The following LTF variants were observed in gnomAD, a reference collection of about 807,000 sequenced individuals.
LTF encodes the protein lactotransferrin, also known as epididymis luminal protein 110.
A neutral mutation model predicts 87.2 loss-of-function variants in LTF; 91 were observed. The observed-to-expected ratio is 1.04, with a 90% CI of 0.88 to 1.24. LTF has a LOEUF of 1.24. Ranked by LOEUF, LTF falls within the 50% of genes most tolerant of loss-of-function variation. The probability of loss-of-function intolerance (pLI) is 0.00; values close to 1 mark genes in which losing one functional copy is unlikely to be tolerated. For missense variants in LTF, 901 were observed against 904.3 expected, an observed-to-expected ratio of 1.00 and a Z score of 0.05; for synonymous variants, 378 against 356.1, an observed-to-expected ratio of 1.06 and a Z score of -0.69.
intron 1 of LTF, chr3:46,484,974 G>A (rs994092853): frequency 1.3e-5 from 2 of 152,280 alleles, no homozygotes; most frequent in African/African-American, 2.4e-5. Context: ...CTCTGGCTCT[G>A]GGAGCACCTA....
intron 2 of LTF, among the ~76,000 whole-genome samples, chr3:46,458,889 A>G (rs1703008697): frequency 6.6e-6 from 1 of 152,256 alleles, no homozygotes; most frequent in Non-Finnish European, 1.5e-5. Context: ...TACTGTTTGT[A>G]TGCAGGTAAT....
intron 6 of LTF, among the ~76,000 whole-genome samples, chr3:46,453,404 G>T (rs2269444): frequency 0.12 from 18,598 of 151,984 alleles, 1,382 homozygotes; most frequent in Admixed American, 0.21. Flanking sequence ...GGGTGCATGT[G>T]GGGTCTGTCT....
At chr3:46,439,064 C>G (rs567840924) in intron 15 of LTF, among the ~76,000 whole-genome samples, 1 of 152,312 alleles carries the variant, frequency 6.6e-6, no homozygotes, top group Admixed American at 6.5e-5. Context: ...AAGGCCAGGG[C>G]ACAGAGTCTC....
At chr3:46,461,188 C>A (rs1703072434) in intron 1 of LTF, among the ~76,000 whole-genome samples, 1 of 152,154 alleles carries the variant, frequency 6.6e-6, no homozygotes, top group Non-Finnish European at 1.5e-5. Context: ...AAGTGGAAAC[C>A]CTCATACATT....
At position 46,438,112 on chromosome 3, in the gene LTF, A is replaced by AT; in HGVS notation, c.1925dup (p.Asn642LysfsTer4). 1 of 1,613,004 alleles carries AT rather than the reference A, an allele frequency of 6.2e-7. No individual in the cohort carries two copies. Among genetic ancestry groups the AT allele is most frequent in the Non-Finnish European group, 8.5e-7 (1 of 1,179,638 alleles). Reference sequence around the variant, plus strand: ...AAAACTTGTCCGGGCAGTCAGATCCATTTCTCCCAAATTTAGCCTGCGACA... The same window carrying AT: ...AAAACTTGTCCGGGCAGTCAGATCCATTTTCTCCCAAATTTAGCCTGCGACA... On this transcript the variant is annotated frameshift_variant, in exon 16 of 17. Coordinates refer to ENST00000231751, the MANE Select transcript of LTF (RefSeq NM_002343.6). LOFTEE classifies it high-confidence loss of function.
rs1702929459 is a variant in LTF at position 46,456,293 on chromosome 3, T to C, written c.313A>G (p.Arg105Gly). 6.2e-7 allele frequency: 1 copy of C among 1,613,834 alleles called. No individual in the cohort carries two copies. Among genetic ancestry groups the C allele is most frequent in the Non-Finnish European group, 8.5e-7 (1 of 1,179,884 alleles). ...PVAAEVYGTE[R>G]QPRTHYYAVA... The stretch of plus-strand genomic sequence containing the variant: ...TGGGTCCCCAGGCAGAACTCACGTC[T>C]TTCGGTCCCGTAGACTTCCGCCGCT... Residue 105 changes from arginine to glycine, a missense_variant, in exon 3 of 17, where the codon AGA (arginine) becomes GGA (glycine). Arg to Gly is a moderately radical substitution (Grantham distance 125). Transcript: ENST00000231751.
At chr3:46,441,031 T>C (rs564479039) in intron 14 of LTF, among the ~76,000 whole-genome samples, 49 of 152,224 alleles carry the variant, frequency 3.2e-4, no homozygotes, top group Non-Finnish European at 6.0e-4. Context: ...TTTGCATATG[T>C]TCACCCAGTT....
At chr3:46,481,064 C>G (rs1487766032) in intron 1 of LTF, among the ~76,000 whole-genome samples, 1 of 152,208 alleles carries the variant, frequency 6.6e-6, no homozygotes, top group Non-Finnish European at 1.5e-5. Flanking sequence ...TGTCCCTGCC[C>G]TGGTGCATGA....
chr3:46,447,401 G>T lies in LTF; in HGVS notation c.1213-3C>A. 1 of 1,608,788 alleles carries T rather than the reference G, an allele frequency of 6.2e-7. No individual in the cohort carries two copies. The highest frequency in any genetic ancestry group is 1.1e-5 in the South Asian group (1 of 90,924). On this transcript the variant is annotated splice_region_variant and splice_polypyrimidine_tract_variant and intron_variant, in intron 9 of 16. Coordinates refer to ENST00000231751, the MANE Select transcript of LTF (RefSeq NM_002343.6). Reference sequence around the variant, plus strand: ...CTCATGGCATCAGCTTCTCCTTTCTGCAAAGACAGAGCAGATCTCCAGCAC... The same window carrying T: ...CTCATGGCATCAGCTTCTCCTTTCTTCAAAGACAGAGCAGATCTCCAGCAC...
intron 1 of LTF, among the ~76,000 whole-genome samples, chr3:46,482,662 AG>A (rs1175340229): frequency 1.9e-5 from 1 of 53,058 alleles, no homozygotes; most frequent in East Asian, 7.0e-4. Flanking sequence ...GAAAGAAAGA[AG>A]GAAGGAAGGA....
intron 10 of LTF, among the ~76,000 whole-genome samples, chr3:46,447,090 GA>G (rs1702674288): frequency 6.6e-6 from 1 of 152,150 alleles, no homozygotes; most frequent in Non-Finnish European, 1.5e-5. Flanking sequence ...AGATCTTCTG[GA>G]AAATTAAGAA....
chr3:46,450,777 T>G (rs1425038469), intron 6 of LTF, 104 bp from the exon 7 acceptor site: 1 of 968,504 alleles, frequency 1.0e-6, no homozygotes, highest in Non-Finnish European at 1.6e-6. Flanking sequence ...CTTGGGGAGA[T>G]AGCTGACAAA....
rs771481419 is a variant in LTF at position 46,455,956 on chromosome 3, G to A, written c.339C>T (p.Ala113=). The A allele has an allele frequency of 1.9e-5, 30 of 1,599,826 alleles. No individual in the cohort carries two copies. The highest frequency in any genetic ancestry group is 8.7e-5 in the Admixed American group (5 of 57,536). ...TGCCGCCCTTCTTCACCACAGCCAC[G>A]GCATAATAGTGAGTTCGTGGCTCTG... The part of the protein sequence containing the change: ...TERQPRTHYY[A]VAVVKKGGSF... Residue 113 remains alanine (A), a synonymous_variant, in exon 4 of 17, where the codon GCC becomes GCT. Transcript: ENST00000231751.
chr3:46,439,046 A>G (rs1702452598), intron 15 of LTF, among the ~76,000 whole-genome samples: 1 of 152,196 alleles, frequency 6.6e-6, no homozygotes, highest in South Asian at 2.1e-4. Flanking sequence ...CCAGGCAGTG[A>G]TGGCAACAAG....
At chr3:46,438,206 T>G in intron 15 of LTF, 77 bp from the exon 16 acceptor site, 5 of 1,224,336 alleles carry the variant, frequency 4.1e-6, no homozygotes, top group Non-Finnish European at 5.9e-6. Context: ...GGGGTATTTC[T>G]TCCACCCAAG....
intron 14 of LTF, among the ~76,000 whole-genome samples, chr3:46,439,814 T>TCCCA (rs1218995515): frequency 0.017 from 2,563 of 152,232 alleles, 127 homozygotes; most frequent in Admixed American, 0.12. Flanking sequence ...CGGTGGCTCA[T>TCCCA]GCCTGTAATC....
At chr3:46,439,147 C>A (rs549873002) in intron 15 of LTF, 149 bp downstream of exon 15, 7 of 688,698 alleles carry the variant, frequency 1.0e-5, no homozygotes, top group Non-Finnish European at 2.3e-6. Context: ...CTCTGGGCAA[C>A]GCCACAGCAT....
At chr3:46,444,055 A>G (rs1702586851) in intron 12 of LTF, among the ~76,000 whole-genome samples, 1 of 152,214 alleles carries the variant, frequency 6.6e-6, no homozygotes, top group South Asian at 2.1e-4. Flanking sequence ...CCAGTGAAAT[A>G]TCAGCAGGAG....
upstream of LTF, among the ~76,000 whole-genome samples, chr3:46,469,223 A>G (rs1484273982): frequency 6.6e-6 from 1 of 152,210 alleles, no homozygotes; most frequent in African/African-American, 2.4e-5. Context: ...GTGAGATACA[A>G]CTGCTATCCC....
Sources: gnomAD v4.1 joint callset for allele counts (sites outside exome capture counted in the v4.1 genomes callset) on GRCh38, gnomAD v4.1.1 for gene constraint, MANE v1.5 for transcripts, NCBI Gene and HGNC (gene_info 2026-07-23, HGNC 2026-07-21) for gene names.